Variants in GCG observed in about 807,000 individuals in gnomAD.
GCG encodes the protein pro-glucagon.
Under a neutral mutation model 22.8 loss-of-function variants are expected in GCG, and 11 were observed. That is an observed-to-expected ratio of 0.48 (90% CI 0.30 to 0.80). GCG has a LOEUF of 0.80. Ranked by LOEUF, GCG falls within the 30% of genes least tolerant of loss-of-function variation. The pLI, the probability that GCG is intolerant of heterozygous loss-of-function variation, is 0.06. For synonymous variants in GCG, 89 were observed against 72.4 expected (o/e 1.23, Z -1.16); for missense variants, 222 against 222.0 (o/e 1.00, Z 0.00).
intron 2 of GCG, 31 bp downstream of exon 2, chr2:162,149,056 A>G (rs535828090): frequency 3.9e-6 from 5 of 1,282,020 alleles, no homozygotes; most frequent in East Asian, 2.3e-5. Flanking sequence ...AACCATATTG[A>G]TATGTTAGTT....
In GCG at chr2:162,145,653, A is replaced by G. The variant is rs572277984; in HGVS notation, c.279T>C (p.Asp93=). 9.3e-6 allele frequency: 15 copies of G among 1,610,370 alleles called. No homozygotes were observed. In the African/African-American group the frequency reaches 9.3e-5, roughly 10 times the overall value. Residue 93 remains aspartate, a synonymous_variant, in exon 4 of 6, where the codon GAT becomes GAC. Transcript: ENST00000418842. ...TCCCTTCAGCATGTCTCTCAAATTC[A>G]TCGTGACGTTTGGCAATGTTATTCC... The part of the protein sequence containing the change: ...RNRNNIAKRH[D]EFERHAEGTF...
At chr2:162,149,923 G>A (rs1686791266) in intron 1 of GCG, among the ~76,000 whole-genome samples, 1 of 152,094 alleles carries the variant, frequency 6.6e-6, no homozygotes, top group Non-Finnish European at 1.5e-5. Flanking sequence ...AAAAATTAGA[G>A]CTTGCTTCTA....
chr2:162,146,002 T>C (rs1686673931), intron 3 of GCG, among the ~76,000 whole-genome samples: 1 of 152,204 alleles, frequency 6.6e-6, no homozygotes, highest in African/African-American at 2.4e-5. Context: ...GGCTATCCAC[T>C]GCACTATGTG....
At chr2:162,143,797 A>C (rs921874572) in intron 5 of GCG, 13 of 549,072 alleles carry the variant, frequency 2.4e-5, no homozygotes, top group Non-Finnish European at 3.9e-5. Flanking sequence ...TCTTGACTCT[A>C]ATAGACACTC....
intron 2 of GCG, among the ~76,000 whole-genome samples, chr2:162,148,622 C>T (rs937914586): frequency 6.6e-6 from 1 of 152,032 alleles, no homozygotes; most frequent in Non-Finnish European, 1.5e-5. Context: ...AATTTGTTTA[C>T]TTTGAATAGC....
intron 3 of GCG, among the ~76,000 whole-genome samples, chr2:162,147,052 A>G (rs923136761): frequency 1.3e-5 from 2 of 152,148 alleles, no homozygotes. Flanking sequence ...TAGGTCCACA[A>G]AAGTAAACTT....
chr2:162,151,983 A>G (rs998570651), intron 1 of GCG, among the ~76,000 whole-genome samples, 175 bp downstream of exon 1: 7 of 152,122 alleles, frequency 4.6e-5, no homozygotes, highest in Admixed American at 2.6e-4. Flanking sequence ...GCTTCGCTAT[A>G]TTAAAGTACA....
chr2:162,150,591 G>A (rs925426173), intron 1 of GCG, among the ~76,000 whole-genome samples: 1 of 152,008 alleles, frequency 6.6e-6, no homozygotes, highest in South Asian at 2.1e-4. Flanking sequence ...TAACCGGTTG[G>A]CAGACTTTGG....
chr2:162,149,325 T>A (rs2106197783), intron 1 of GCG, 138 bp from the exon 2 acceptor site: 2 of 559,036 alleles, frequency 3.6e-6, no homozygotes, highest in Non-Finnish European at 6.3e-6. Flanking sequence ...TTTATTCTGA[T>A]TATATTTTCA....
At chr2:162,145,299 C>T in intron 4 of GCG, 1 of 362,166 alleles carries the variant, frequency 2.8e-6, no homozygotes, top group Non-Finnish European at 4.9e-6. Context: ...AGATTTAATA[C>T]CTAATTATAA....
intron 3 of GCG, among the ~76,000 whole-genome samples, chr2:162,146,987 C>A (rs755799251): frequency 2.6e-5 from 4 of 152,050 alleles, no homozygotes; most frequent in Admixed American, 2.6e-4. Flanking sequence ...TTGAACCCCA[C>A]GAAAGAATGT....
chr2:162,147,804 A>T (rs1320865328), intron 2 of GCG, among the ~76,000 whole-genome samples: 1 of 152,168 alleles, frequency 6.6e-6, no homozygotes, highest in African/African-American at 2.4e-5. Flanking sequence ...TCTACTCATG[A>T]TTATGCTAAT....
At chr2:162,148,108 T>C (rs1406595146) in intron 2 of GCG, among the ~76,000 whole-genome samples, 1 of 152,146 alleles carries the variant, frequency 6.6e-6, no homozygotes, top group Non-Finnish European at 1.5e-5. Context: ...ATGTAATTAA[T>C]ACTCAGAAAT....
chr2:162,144,266 G>A (rs2106194460), intron 4 of GCG, 96 bp from the exon 5 acceptor site: 1 of 974,956 alleles, frequency 1.0e-6, no homozygotes, highest in Non-Finnish European at 1.6e-6. Flanking sequence ...AGTGTCTTGA[G>A]GAAACAGTAA....
At position 162,143,317 on chromosome 2, in the gene GCG, G is replaced by T. The variant is rs1028959139; in HGVS notation, c.*47C>A. 1.8e-6 allele frequency: 2 copies of T among 1,126,518 alleles called. No individual in the cohort carries two copies. Among genetic ancestry groups the T allele is most frequent in the Non-Finnish European group, 2.5e-6 (2 of 797,350 alleles). 69.8% of individuals were successfully genotyped at this position (1,126,518 alleles called of 1,614,324 possible). A position where few individuals can be genotyped will look rare whatever the true frequency, so the allele number is the denominator to read the frequency against. On this transcript the variant is annotated 3_prime_UTR_variant, in exon 6 of 6. Transcript: ENST00000418842. ...GGACTTAACATTTCAAACATCCCAC[G>T]TGGCTAGCAGGTGATGTTGTGAAGA...
chr2:162,144,080 A>T lies in GCG; in HGVS notation c.483T>A (p.Asn161Lys), dbSNP rs747661132. Residue 161 changes from asparagine to lysine, a missense_variant, in exon 5 of 6, where the codon AAT becomes AAA. Asn to Lys is a moderately conservative substitution (Grantham distance 94). Coordinates refer to ENST00000418842, the MANE Select transcript of GCG (RefSeq NM_002054.5). ...FSDEMNTILD[N>K]LAARDFINWL... The stretch of plus-strand genomic sequence containing the variant: ...AGTTTATAAAGTCCCTGGCGGCAAG[A>T]TTATCAAGAATGGTGTTCATCTCAT... The T allele has an allele frequency of 6.2e-7, 1 of 1,612,924 alleles. No individual in the cohort carries two copies. The highest frequency in any genetic ancestry group is 1.1e-5 in the South Asian group (1 of 91,056).
intron 2 of GCG, among the ~76,000 whole-genome samples, 185 bp downstream of exon 2, chr2:162,148,902 T>TA (rs1553681134): frequency 1.4e-5 from 2 of 139,466 alleles, no homozygotes. Flanking sequence ...CCTTTTATTA[T>TA]AAAAAACACA....
At chr2:162,151,676 A>G (rs1686840958) in intron 1 of GCG, among the ~76,000 whole-genome samples, 1 of 152,170 alleles carries the variant, frequency 6.6e-6, no homozygotes, top group Non-Finnish European at 1.5e-5. Context: ...AATATTTGAA[A>G]GATGTTATTT....
At chr2:162,147,269 A>T (rs745985053) in intron 3 of GCG, 84 bp downstream of exon 3, 1 of 1,001,802 alleles carries the variant, frequency 1.0e-6, no homozygotes, top group South Asian at 1.5e-5. Flanking sequence ...TTTGACGAGC[A>T]TAAGAACTTA....
Sources: allele counts gnomAD v4.1 joint callset (sites outside exome capture counted in the v4.1 genomes callset), GRCh38; gene constraint gnomAD v4.1.1; transcripts MANE v1.5; gene names NCBI Gene and HGNC (gene_info 2026-07-23, HGNC 2026-07-21).